ARMH4: variants seen among roughly 807,000 people sequenced by gnomAD.
The protein encoded by ARMH4 is armadillo-like helical domain-containing protein 4.
Under a neutral mutation model 61.9 loss-of-function variants are expected in ARMH4, and 49 were observed. The observed-to-expected ratio is 0.79, with a 90% CI of 0.63 to 1.00. The LOEUF is 1.00. Among genes scored for constraint, ARMH4 ranks in the 50% least tolerant of loss-of-function variants. The pLI is 0.00. For missense variants in ARMH4, 934 were observed against 930.0 expected, an observed-to-expected ratio of 1.00 and a Z score of -0.06; for synonymous variants, 368 against 341.5, an observed-to-expected ratio of 1.08 and a Z score of -0.85.
At chr14:58,029,632 G>A (rs1883155438) in intron 5 of ARMH4, among the ~76,000 whole-genome samples, 1 of 152,110 alleles carries the variant, frequency 6.6e-6, no homozygotes, top group African/African-American at 2.4e-5. Flanking sequence ...TTAGGGAAAT[G>A]CAAATCAAAA....
At chr14:58,042,865 G>C (rs918118199) in intron 5 of ARMH4, among the ~76,000 whole-genome samples, 30 of 152,080 alleles carry the variant, frequency 2.0e-4, no homozygotes, top group Non-Finnish European at 7.3e-5. Context: ...TAAATTCCTA[G>C]ACACATACAC....
At position 58,004,018 on chromosome 14, in the gene ARMH4, G is replaced by GCAACA. The variant is rs1882071119; in HGVS notation, c.*717_*718insTGTTG. 6.6e-6 allele frequency: 1 copy of GCAACA among 151,992 alleles called. No individual in the cohort carries two copies. The highest frequency in any genetic ancestry group is 1.5e-5 in the Non-Finnish European group (1 of 68,016). The allele number at this position is 151,992 out of a possible 1,614,324, so 9.4% of individuals were successfully genotyped here. A position where few individuals can be genotyped will look rare whatever the true frequency, so the allele number is the denominator to read the frequency against. On this transcript the variant is annotated 3_prime_UTR_variant, in exon 8 of 8. Transcript: ENST00000267485. ...TATGACATGTATGATTGAGTCTGTT[G>GCAACA]GACTCAATCACACTATTTAAGACAG... is the stretch of plus-strand genomic sequence containing the variant.
chr14:58,035,112 C>T (rs1421442418), intron 5 of ARMH4, among the ~76,000 whole-genome samples: 2 of 148,346 alleles, frequency 1.3e-5, no homozygotes, highest in South Asian at 2.2e-4. Context: ...TTTTTTTCAG[C>T]ACCACACCTA....
chr14:58,069,488 T>C (rs1215019003), intron 5 of ARMH4, among the ~76,000 whole-genome samples: 1 of 152,078 alleles, frequency 6.6e-6, no homozygotes, highest in Non-Finnish European at 1.5e-5. Context: ...CCAAATAAGA[T>C]GACAGTTTCA....
At chr14:58,134,728 G>A (rs979374532) in intron 2 of ARMH4, among the ~76,000 whole-genome samples, 6 of 151,862 alleles carry the variant, frequency 4.0e-5, no homozygotes, top group African/African-American at 7.3e-5. Context: ...AGACTGAGGC[G>A]GGAGGATCAC....
chr14:58,073,442 G>A (rs1478763146), intron 5 of ARMH4, among the ~76,000 whole-genome samples: 1 of 152,136 alleles, frequency 6.6e-6, no homozygotes, highest in Non-Finnish European at 1.5e-5. Context: ...CTCTTTATCA[G>A]GTTGTTCTAT....
At chr14:58,076,532 T>C (rs912207874) in intron 5 of ARMH4, among the ~76,000 whole-genome samples, 2 of 151,522 alleles carry the variant, frequency 1.3e-5, no homozygotes, top group African/African-American at 4.9e-5. Flanking sequence ...GATCCCAAAC[T>C]TGCTTAAAAC....
At chr14:58,024,236 A>G (rs1423532598) in intron 5 of ARMH4, among the ~76,000 whole-genome samples, 1 of 152,220 alleles carries the variant, frequency 6.6e-6, no homozygotes, top group Non-Finnish European at 1.5e-5. Flanking sequence ...CCTGTGGTTT[A>G]GTGTATCCAC....
Position 58,133,322 on chromosome 14 carries a change from C to A in ARMH4, c.1389G>T (p.Met463Ile). 1 of 1,613,272 alleles carries A rather than the reference C, an allele frequency of 6.2e-7. No homozygotes were observed. Among genetic ancestry groups the A allele is most frequent in the Non-Finnish European group, 8.5e-7 (1 of 1,179,944 alleles). Residue 463 changes from methionine (M) to isoleucine (I), a missense_variant, in exon 3 of 8, where the codon ATG (methionine) becomes ATT (isoleucine). Coordinates refer to ENST00000267485, the MANE Select transcript of ARMH4 (RefSeq NM_001001872.4). ...NTMKDIITQE[M>I]TTAVQEPDAT... is the part of the protein sequence containing the mutation. ...CATCTGGCTCTTGAACAGCTGTTGTCATCTCTTGAGTGATGATGTCTTAAA... is the reference window on the plus strand; with the variant it reads ...CATCTGGCTCTTGAACAGCTGTTGTAATCTCTTGAGTGATGATGTCTTAAA...
At chr14:58,099,014 T>G (rs1277097100) in intron 4 of ARMH4, among the ~76,000 whole-genome samples, 1 of 152,094 alleles carries the variant, frequency 6.6e-6, no homozygotes, top group Non-Finnish European at 1.5e-5. Context: ...GGATGTAATT[T>G]CAAGGTAGAA....
At chr14:58,123,646 C>A (rs1432048807) in intron 4 of ARMH4, among the ~76,000 whole-genome samples, 1 of 152,122 alleles carries the variant, frequency 6.6e-6, no homozygotes, top group Non-Finnish European at 1.5e-5. Flanking sequence ...CTTAAGGATG[C>A]CTTTTTCAGC....
chr14:58,126,895 C>T (rs997682319), intron 4 of ARMH4, among the ~76,000 whole-genome samples: 97 of 148,474 alleles, frequency 6.5e-4, no homozygotes, highest in Middle Eastern at 3.4e-3. Flanking sequence ...CTATGCTTCC[C>T]GGGTTCAAGT....
intron 4 of ARMH4, among the ~76,000 whole-genome samples, chr14:58,102,817 CAAAAAAAAA>C (rs398025219): frequency 2.2e-4 from 11 of 50,948 alleles, no homozygotes; most frequent in South Asian, 1.0e-3. Context: ...GACTCCGTCT[CAAAAAAAAA>C]AAAAAAAAAA....
At chr14:58,087,980 T>C (rs1220206384) in intron 5 of ARMH4, among the ~76,000 whole-genome samples, 2 of 152,232 alleles carry the variant, frequency 1.3e-5, no homozygotes, top group African/African-American at 4.8e-5. Context: ...CTTTTGGTTC[T>C]AATGAATTCT....
At chr14:58,039,073 A>C (rs1212766167) in intron 5 of ARMH4, among the ~76,000 whole-genome samples, 6 of 152,206 alleles carry the variant, frequency 3.9e-5, no homozygotes, top group African/African-American at 1.4e-4. Context: ...ATGTCTGAGC[A>C]CAGCAGGGCA....
chr14:58,024,881 A>G (rs1882969077), intron 5 of ARMH4, among the ~76,000 whole-genome samples: 1 of 152,172 alleles, frequency 6.6e-6, no homozygotes, highest in Non-Finnish European at 1.5e-5. Flanking sequence ...ACATCTATCA[A>G]TTAATGTCAC....
chr14:58,029,551 G>A (rs1883152543), intron 5 of ARMH4, among the ~76,000 whole-genome samples: 1 of 151,960 alleles, frequency 6.6e-6, no homozygotes, highest in Non-Finnish European at 1.5e-5. Context: ...TATTCTTAAG[G>A]TTAACCCACA....
At chr14:58,062,331 T>C (rs1332800407) in intron 5 of ARMH4, among the ~76,000 whole-genome samples, 1 of 152,180 alleles carries the variant, frequency 6.6e-6, no homozygotes, top group East Asian at 1.9e-4. Context: ...AGAGTAAGAC[T>C]CTGCCTCCTG....
At chr14:58,125,950 G>C (rs1566592077) in intron 4 of ARMH4, among the ~76,000 whole-genome samples, 1 of 152,136 alleles carries the variant, frequency 6.6e-6, no homozygotes, top group African/African-American at 2.4e-5. Flanking sequence ...ATAGTAAAGA[G>C]AGCTCACTAA....
Sources: allele counts gnomAD v4.1 joint callset (sites outside exome capture counted in the v4.1 genomes callset), GRCh38; gene constraint gnomAD v4.1.1; transcripts MANE v1.5; gene names NCBI Gene and HGNC (gene_info 2026-07-23, HGNC 2026-07-21).